FBXO15: variants seen among roughly 807,000 people sequenced by gnomAD.
FBXO15 encodes F-box only protein 15.
A neutral mutation model predicts 49.5 loss-of-function variants in FBXO15; 30 were observed. The ratio of observed to expected loss-of-function variants is 0.61; its 90% CI spans 0.45 to 0.82. The LOEUF (loss-of-function observed/expected upper bound fraction) is 0.82, where lower values mean the gene tolerates loss of function less well. FBXO15 is among the 40% of genes least tolerant of loss of function. The pLI is 0.00. For missense variants in FBXO15, 591 were observed against 631.5 expected (o/e 0.94, Z 0.69); for synonymous variants, 250 against 232.7 (o/e 1.07, Z -0.68).
At chr18:74,123,280 G>T (rs1914547658) in intron 8 of FBXO15, 88 bp downstream of exon 8, 1 of 1,405,756 alleles carries the variant, frequency 7.1e-7, no homozygotes, top group Non-Finnish European at 9.8e-7. Context: ...AGTGACCAGT[G>T]AGGGCAATTC....
In FBXO15 at chr18:74,073,431, T is replaced by G; in HGVS notation, c.*30A>C. 1.3e-6 allele frequency: 2 copies of G among 1,597,152 alleles called. No individual in the cohort carries two copies. Among genetic ancestry groups the G allele is most frequent in the East Asian group, 4.5e-5 (2 of 44,660 alleles). The stretch of plus-strand genomic sequence containing the variant: ...ACAAAGCCAGTCAAAAATAAACAAC[T>G]AAATAACAACAATAATTTGCCACCT... On this transcript the variant is annotated 3_prime_UTR_variant, in exon 10 of 10. Coordinates refer to ENST00000419743, the MANE Select transcript of FBXO15 (RefSeq NM_001142958.2).
In FBXO15 at chr18:74,117,839, T is replaced by C. The variant is rs186336630; in HGVS notation, c.1138+5529A>G. The stretch of plus-strand genomic sequence containing the variant: ...TGCAAACATAAAAATTAATCAACGC[T>C]ATGCTGTATTTGTTTGCAATAGTGA... On this transcript the variant is annotated intron_variant, in intron 8 of 9. Transcript: ENST00000419743. Among the ~76,000 whole-genome samples, 630 of 152,274 alleles carry C rather than the reference T, an allele frequency of 4.1e-3. 4 individuals are homozygous for C. The highest frequency in any genetic ancestry group is 0.015 in the African/African-American group (606 of 41,548).
chr18:74,113,180 C>T lies in FBXO15; in HGVS notation c.1138+10188G>A, dbSNP rs145188706. 2.9e-3 allele frequency among the ~76,000 whole-genome samples: 444 copies of T among 152,174 alleles called. 4 individuals are homozygous for T. Among genetic ancestry groups the T allele is most frequent in the South Asian group, 8.1e-3 (39 of 4,816 alleles). ...GAAAACATAAATGCTTATTACTAAC[C>T]GAAAGACGCTGGTCTGAAAAGGTTA... On this transcript the variant is annotated intron_variant, in intron 8 of 9. Transcript: ENST00000419743.
intron 8 of FBXO15, among the ~76,000 whole-genome samples, chr18:74,115,292 AT>A (rs1914180727): frequency 6.6e-6 from 1 of 152,172 alleles, no homozygotes; most frequent in African/African-American, 2.4e-5. Context: ...ATTTCTGAGC[AT>A]TTACCACTGA....
intron 8 of FBXO15, among the ~76,000 whole-genome samples, chr18:74,103,396 A>G (rs947752724): frequency 6.6e-6 from 1 of 151,950 alleles, no homozygotes; most frequent in African/African-American, 2.4e-5. Flanking sequence ...CAAAAGGCCA[A>G]GTCTAATAAC....
intron 9 of FBXO15, among the ~76,000 whole-genome samples, chr18:74,080,385 C>T (rs1443825237): frequency 1.3e-5 from 2 of 152,188 alleles, no homozygotes; most frequent in Non-Finnish European, 2.9e-5. Flanking sequence ...AAGGTACAAG[C>T]TTTTGAGCTA....
chr18:74,138,436 T>C (rs1978859066), intron 2 of FBXO15, among the ~76,000 whole-genome samples: 1 of 152,052 alleles, frequency 6.6e-6, no homozygotes, highest in South Asian at 2.1e-4. Flanking sequence ...CTCTCTCCTC[T>C]TCTGCTTCAC....
chr18:74,093,267 G>GGGGC (rs1568161190), intron 8 of FBXO15, among the ~76,000 whole-genome samples: 6 of 150,082 alleles, frequency 4.0e-5, no homozygotes, highest in African/African-American at 1.5e-4. Context: ...AAACAATGGG[G>GGGGC]GGGGGGTGGC....
chr18:74,081,981 A>G lies in FBXO15; in HGVS notation c.1209T>C (p.Leu403=). ...TCCACGAGAGGCCAACTTTTCCAAT[A>G]AGAGGTAGGTGTTCTCTGTTATTTT... ...HLKNNREHLP[L]IGKVGLSWKT... Residue 403 remains leucine, a synonymous_variant, in exon 9 of 10, where the codon CTT becomes CTC. Coordinates refer to ENST00000419743, the MANE Select transcript of FBXO15 (RefSeq NM_001142958.2). 6.2e-7 allele frequency: 1 copy of G among 1,613,330 alleles called. No homozygotes were observed. Among genetic ancestry groups the G allele is most frequent in the African/African-American group, 1.3e-5 (1 of 75,030 alleles).
chr18:74,089,577 T>C (rs1912923608), intron 8 of FBXO15, among the ~76,000 whole-genome samples: 1 of 152,216 alleles, frequency 6.6e-6, no homozygotes, highest in Non-Finnish European at 1.5e-5. Context: ...GCTGTTATTA[T>C]TTTGAAGTAT....
At position 74,147,764 on chromosome 18, in the gene FBXO15, T is replaced by C. The variant is rs1979549725; in HGVS notation, c.22A>G (p.Ile8Val). Residue 8 changes from isoleucine to valine, a missense_variant, in exon 1 of 10, where the codon ATC becomes GTC. Transcript: ENST00000419743. The part of the protein sequence containing the change: MATGRGR[I>V]LQQHWLGLQT... Reference sequence around the variant, plus strand: ...AGGCCGAGCCAGTGCTGCTGCAAGATCCGACCGCGTCCAGTCGCCATAGAG... The same window carrying C: ...AGGCCGAGCCAGTGCTGCTGCAAGACCCGACCGCGTCCAGTCGCCATAGAG... 2 of 1,534,554 alleles carry C rather than the reference T, an allele frequency of 1.3e-6. No homozygotes were observed. The highest frequency in any genetic ancestry group is 2.4e-5 in the South Asian group (2 of 83,040).
intron 8 of FBXO15, among the ~76,000 whole-genome samples, chr18:74,110,182 C>T (rs9949596): frequency 0.24 from 25,177 of 103,960 alleles, 2,533 homozygotes; most frequent in African/African-American, 0.39. Context: ...TATATATATA[C>T]ACATATGTGT....
chr18:74,106,799 G>A lies in FBXO15; in HGVS notation c.1138+16569C>T, dbSNP rs529869607. Among the ~76,000 whole-genome samples, 275 of 152,154 alleles carry A rather than the reference G, an allele frequency of 1.8e-3. 1 individual carries two copies. Among genetic ancestry groups the A allele is most frequent in the African/African-American group, 6.3e-3 (263 of 41,524 alleles). ...ATCAATAGATATTTTTCAAAATAATGGTCATGATAACAGTGCTATAATCAT... is the reference window on the plus strand; with the variant it reads ...ATCAATAGATATTTTTCAAAATAATAGTCATGATAACAGTGCTATAATCAT... On this transcript the variant is annotated intron_variant, in intron 8 of 9. Transcript: ENST00000419743.
At chr18:74,080,725 A>C (rs997899798) in intron 9 of FBXO15, among the ~76,000 whole-genome samples, 1 of 152,208 alleles carries the variant, frequency 6.6e-6, no homozygotes. Flanking sequence ...CCCATTGGAA[A>C]TTTTGTTTTT....
intron 8 of FBXO15, among the ~76,000 whole-genome samples, chr18:74,092,476 G>T (rs556381139): frequency 6.6e-6 from 1 of 152,328 alleles, no homozygotes; most frequent in Admixed American, 6.5e-5. Flanking sequence ...CAGAGTTCTT[G>T]CAATGGTTCT....
At position 74,105,686 on chromosome 18, in the gene FBXO15, C is replaced by T. The variant is rs188340345; in HGVS notation, c.1138+17682G>A. Among the ~76,000 whole-genome samples the T allele has an allele frequency of 2.4e-3, 358 of 151,934 alleles. 4 individuals carry two copies. The highest frequency in any genetic ancestry group is 8.5e-3 in the African/African-American group (351 of 41,450). The stretch of plus-strand genomic sequence containing the variant: ...TGGTCTCAAACTCCTGACCTTGTGA[C>T]CTGCCCATCTCAGCCTCCCAAAGTG... On this transcript the variant is annotated intron_variant, in intron 8 of 9. Coordinates refer to ENST00000419743, the MANE Select transcript of FBXO15 (RefSeq NM_001142958.2).
intron 3 of FBXO15, among the ~76,000 whole-genome samples, chr18:74,132,571 T>C (rs1291959607): frequency 6.6e-6 from 1 of 152,220 alleles, no homozygotes; most frequent in Non-Finnish European, 1.5e-5. Flanking sequence ...AAACATTTTA[T>C]ATTGCAGATG....
chr18:74,147,795 G>T lies in FBXO15; in HGVS notation c.-10C>A. The T allele has an allele frequency of 1.3e-6, 2 of 1,527,422 alleles. No individual in the cohort carries two copies. The highest frequency in any genetic ancestry group is 8.8e-7 in the Non-Finnish European group (1 of 1,140,000). The allele number at this position is 1,527,422 out of a possible 1,614,324, so 94.6% of individuals were successfully genotyped here. A position where few individuals can be genotyped will look rare whatever the true frequency, so the allele number is the denominator to read the frequency against. On this transcript the variant is annotated 5_prime_UTR_variant, in exon 1 of 10. Coordinates refer to ENST00000419743, the MANE Select transcript of FBXO15 (RefSeq NM_001142958.2). ...CGCGTCCAGTCGCCATAGAGACAAG[G>T]AGTTCACCACAGGACCGCGCCAGGG...
chr18:74,147,627 G>T (rs1446762109), intron 1 of FBXO15, 43 bp downstream of exon 1: 12 of 1,374,024 alleles, frequency 8.7e-6, no homozygotes, highest in Non-Finnish European at 1.1e-5. Context: ...GCGCAGTGAC[G>T]GGCTTCCCGC....
Sources: gnomAD v4.1 joint callset for allele counts (sites outside exome capture counted in the v4.1 genomes callset) on GRCh38, gnomAD v4.1.1 for gene constraint, MANE v1.5 for transcripts, NCBI Gene and HGNC (gene_info 2026-07-23, HGNC 2026-07-21) for gene names.